PTPRM: variants seen among roughly 807,000 people sequenced by gnomAD.
PTPRM encodes the protein protein tyrosine phosphatase receptor type M.
A neutral mutation model predicts 186.7 loss-of-function variants in PTPRM; 47 were observed. That is an observed-to-expected ratio of 0.25 (90% CI 0.20 to 0.32). PTPRM has a LOEUF of 0.32. PTPRM is among the 10% of genes least tolerant of loss of function. The probability of loss-of-function intolerance (pLI) is 1.00; values close to 1 mark genes in which losing one functional copy is unlikely to be tolerated. For synonymous variants in PTPRM, 668 were observed against 674.9 expected, an observed-to-expected ratio of 0.99 and a Z score of 0.16; for missense variants, 1,494 against 1,865.0, an observed-to-expected ratio of 0.80 and a Z score of 3.66.
At chr18:7,991,763 G>C (rs928615014) in intron 7 of PTPRM, among the ~76,000 whole-genome samples, 1 of 152,046 alleles carries the variant, frequency 6.6e-6, no homozygotes, top group Admixed American at 6.6e-5. Context: ...TGTCCACATG[G>C]TTTCTGATTC....
intron 20 of PTPRM, among the ~76,000 whole-genome samples, chr18:8,300,955 C>T (rs148078215): frequency 2.0e-3 from 306 of 152,282 alleles, no homozygotes; most frequent in Admixed American, 3.9e-3. Flanking sequence ...ATGACTCACA[C>T]GTACATAGTG....
intron 1 of PTPRM, among the ~76,000 whole-genome samples, chr18:7,735,493 C>T (rs2040750140): frequency 6.6e-6 from 1 of 151,986 alleles, no homozygotes. Flanking sequence ...GTCTTTGTAC[C>T]AAATTCCAGC....
At chr18:7,660,613 G>A (rs1210177853) in intron 1 of PTPRM, among the ~76,000 whole-genome samples, 2 of 152,140 alleles carry the variant, frequency 1.3e-5, no homozygotes, top group African/African-American at 2.4e-5. Flanking sequence ...GGTATGTCCT[G>A]CTCATGTTTT....
rs1217021127 is a variant in PTPRM, at chr18:8,264,126, G to T, written c.2754+10712G>T. On this transcript the variant is annotated intron_variant, in intron 19 of 32. Coordinates refer to ENST00000580170, the MANE Select transcript of PTPRM (RefSeq NM_001105244.2). Reference sequence around the variant, plus strand: ...GAGGAAACAGAGTTGATGTCCACTGGAGAGTTGTTTGGTGTGGAAAAATCC... The same window carrying T: ...GAGGAAACAGAGTTGATGTCCACTGTAGAGTTGTTTGGTGTGGAAAAATCC... Among the ~76,000 whole-genome samples the T allele has an allele frequency of 4.6e-5, 7 of 152,170 alleles. No homozygotes were observed. The South Asian group carries it at 1.2e-3, about 27-fold the overall frequency.
chr18:8,134,753 A>G (rs1024924658), intron 13 of PTPRM, among the ~76,000 whole-genome samples: 1 of 151,922 alleles, frequency 6.6e-6, no homozygotes, highest in East Asian at 1.9e-4. Flanking sequence ...TTCTTTTGTT[A>G]GGCCCTCCTC....
rs150580901 is a variant in PTPRM at position 8,140,983 on chromosome 18, C to T, written c.2168-2664C>T. 6.9e-4 allele frequency among the ~76,000 whole-genome samples: 105 copies of T among 152,306 alleles called. No individual in the cohort carries two copies. The East Asian group carries it at 0.015, about 22-fold the overall frequency. ...AAAAATAAACAACCATCAGTTGCAA[C>T]CATGTTCTGTCAAAAATATCCCCTG... On this transcript the variant is annotated intron_variant, in intron 13 of 32. Transcript: ENST00000580170.
At chr18:8,292,292 G>T (rs1436091184) in intron 19 of PTPRM, among the ~76,000 whole-genome samples, 1 of 152,128 alleles carries the variant, frequency 6.6e-6, no homozygotes, top group South Asian at 2.1e-4. Flanking sequence ...TTCAAAACTG[G>T]ATCCATCTTA....
chr18:8,253,947 G>T (rs76554417), intron 19 of PTPRM, among the ~76,000 whole-genome samples: 2,130 of 151,992 alleles, frequency 0.014, 19 homozygotes, highest in Middle Eastern at 0.037. Flanking sequence ...CCCTCTGGCA[G>T]AATTAAGTTT....
intron 22 of PTPRM, among the ~76,000 whole-genome samples, chr18:8,328,775 A>G (rs898921352): frequency 2.0e-5 from 3 of 152,214 alleles, no homozygotes; most frequent in Non-Finnish European, 4.4e-5. Context: ...TACAAGAGAG[A>G]ATGAACAATT....
chr18:8,382,608 G>A (rs2095744098), intron 29 of PTPRM, among the ~76,000 whole-genome samples: 1 of 152,164 alleles, frequency 6.6e-6, no homozygotes, highest in African/African-American at 2.4e-5. Context: ...ATAAATAAAT[G>A]TAATTTTTAA....
rs2053813848 is a variant in PTPRM, at chr18:7,963,427, GA to G, written c.1132+8014del. On this transcript the variant is annotated intron_variant, in intron 7 of 32. Coordinates refer to ENST00000580170, the MANE Select transcript of PTPRM (RefSeq NM_001105244.2). Reference sequence around the variant, plus strand: ...TTCAGAAGCTCCTCTAAAAAGTGTGGACAGATGGAGGTGGTTGTTCATAGAG... The same window carrying G: ...TTCAGAAGCTCCTCTAAAAAGTGTGGCAGATGGAGGTGGTTGTTCATAGAG... Among the ~76,000 whole-genome samples, 4 of 152,194 alleles carry G rather than the reference GA, an allele frequency of 2.6e-5. No individual in the cohort carries two copies. In the South Asian group the frequency reaches 8.3e-4, roughly 32 times the overall value.
chr18:8,314,463 A>G (rs923778966), intron 20 of PTPRM, among the ~76,000 whole-genome samples: 13 of 152,218 alleles, frequency 8.5e-5, no homozygotes, highest in East Asian at 3.8e-4. Flanking sequence ...AAGTTGCTCA[A>G]ACTTCCAGTC....
chr18:8,318,488 C>T (rs1008014935), intron 21 of PTPRM, among the ~76,000 whole-genome samples: 16 of 151,404 alleles, frequency 1.1e-4, no homozygotes, highest in African/African-American at 3.9e-4. Context: ...GTAGAGATGG[C>T]TTTTTGCCAT....
At chr18:8,031,247 G>A (rs115247963) in intron 7 of PTPRM, among the ~76,000 whole-genome samples, 2,613 of 152,272 alleles carry the variant, frequency 0.017, 72 homozygotes, top group African/African-American at 0.06. Flanking sequence ...AATTAAGGCT[G>A]TAAATTTTCG....
chr18:7,658,499 T>C (rs1172113596), intron 1 of PTPRM, among the ~76,000 whole-genome samples: 4 of 152,012 alleles, frequency 2.6e-5, no homozygotes, highest in African/African-American at 9.7e-5. Context: ...TACTTCCTTA[T>C]TTCCATGATA....
At chr18:7,677,009 G>T (rs369515733) in intron 1 of PTPRM, among the ~76,000 whole-genome samples, 2 of 152,170 alleles carry the variant, frequency 1.3e-5, no homozygotes, top group African/African-American at 4.8e-5. Flanking sequence ...TTTAGTTCAG[G>T]ATTTAAAGAG....
chr18:7,644,689 G>GA (rs1442219722), intron 1 of PTPRM, among the ~76,000 whole-genome samples: 1 of 151,756 alleles, frequency 6.6e-6, no homozygotes, highest in East Asian at 1.9e-4. Flanking sequence ...CAAGCCAGCT[G>GA]AAAAAAAATT....
chr18:7,779,889 T>C (rs780463726), intron 2 of PTPRM, among the ~76,000 whole-genome samples: 27 of 152,346 alleles, frequency 1.8e-4, no homozygotes, highest in Non-Finnish European at 2.5e-4. Context: ...AAAGATCCTC[T>C]TCTCAGCCTA....
chr18:8,093,804 A>G (rs1047371376), intron 11 of PTPRM, among the ~76,000 whole-genome samples: 1 of 152,234 alleles, frequency 6.6e-6, no homozygotes, highest in Non-Finnish European at 1.5e-5. Context: ...CTAAAAGGAA[A>G]TAAACACTTG....
Sources: gnomAD v4.1 joint callset for allele counts (sites outside exome capture counted in the v4.1 genomes callset) on GRCh38, gnomAD v4.1.1 for gene constraint, MANE v1.5 for transcripts, NCBI Gene and HGNC (gene_info 2026-07-23, HGNC 2026-07-21) for gene names.